Variants in STK10 observed in about 807,000 individuals in gnomAD.
STK10 encodes serine/threonine-protein kinase 10.
Under a neutral mutation model 113.8 loss-of-function variants are expected in STK10, and 78 were observed. The observed-to-expected ratio is 0.69, with a 90% confidence interval of 0.57 to 0.83. The LOEUF (loss-of-function observed/expected upper bound fraction) is 0.83. Ranked by LOEUF, STK10 falls within the 40% of genes least tolerant of loss-of-function variation. STK10 has a pLI of 0.00. For synonymous variants in STK10, 465 were observed against 494.7 expected, an observed-to-expected ratio of 0.94 and a Z score of 0.80; for missense variants, 1,109 against 1,280.1, an observed-to-expected ratio of 0.87 and a Z score of 2.04.
intron 2 of STK10, among the ~76,000 whole-genome samples, chr5:172,156,016 AG>A (rs371470339): frequency 2.1e-3 from 320 of 150,852 alleles, no homozygotes; most frequent in African/African-American, 7.5e-3. Context: ...AAAGAAGTTG[AG>A]GGGTGTTGCT....
At chr5:172,106,472 T>C (rs1056489313) in intron 6 of STK10, 148 bp downstream of exon 6, 5 of 665,432 alleles carry the variant, frequency 7.5e-6, no homozygotes, top group African/African-American at 7.5e-5. Flanking sequence ...CAGAAACGCC[T>C]GAAGACCCCC....
Position 172,114,473 on chromosome 5 carries a change from A to ATT in STK10, c.520+3006_520+3007dup, listed in dbSNP as rs546584414. 3.6e-3 allele frequency: 173 copies of ATT among 47,566 alleles called. 27 individuals carry two copies. The highest frequency in any genetic ancestry group is 4.5e-3 in the Non-Finnish European group (142 of 31,384). 2.9% of individuals were successfully genotyped at this position (47,566 alleles called of 1,614,324 possible). A position where few individuals can be genotyped will look rare whatever the true frequency, so the allele number is the denominator to read the frequency against. On this transcript the variant is annotated intron_variant, in intron 4 of 18. Transcript: ENST00000176763. ...ATTATATATATATATATATATATAT[A>ATT]TTTTTTTTTTTTTTTTTTTTTTTTT...
chr5:172,054,717 G>A, intron 16 of STK10, 23 bp from the exon 17 acceptor site: 1 of 1,606,212 alleles, frequency 6.2e-7, no homozygotes, highest in Non-Finnish European at 8.5e-7. Context: ...GAGGGTGGGT[G>A]CCTCAGGGGA....
chr5:172,105,182 CT>C (rs1033985253), intron 7 of STK10, among the ~76,000 whole-genome samples: 1 of 150,016 alleles, frequency 6.7e-6, no homozygotes, highest in African/African-American at 2.5e-5. Flanking sequence ...CCCCCACCCC[CT>C]GGCTCTTCCC....
chr5:172,112,453 G>A (rs143258244), intron 4 of STK10, among the ~76,000 whole-genome samples: 16 of 130,684 alleles, frequency 1.2e-4, no homozygotes, highest in Non-Finnish European at 1.9e-4. Context: ...ACAGAGTCTC[G>A]CATGTCACCC....
At chr5:172,094,941 A>C (rs964665487) in intron 8 of STK10, among the ~76,000 whole-genome samples, 18 of 152,222 alleles carry the variant, frequency 1.2e-4, no homozygotes, top group African/African-American at 4.3e-4. Flanking sequence ...TGTATAAAAC[A>C]TAAACATCCA....
chr5:172,137,724 CAAAAAAAAA>C (rs34773105), intron 2 of STK10, among the ~76,000 whole-genome samples: 1 of 91,034 alleles, frequency 1.1e-5, no homozygotes, highest in Admixed American at 1.2e-4. Context: ...ACTAAAAATA[CAAAAAAAAA>C]AAAAAAAAAA....
At chr5:172,155,263 C>T (rs908305862) in intron 2 of STK10, among the ~76,000 whole-genome samples, 4 of 152,014 alleles carry the variant, frequency 2.6e-5, no homozygotes, top group African/African-American at 7.3e-5. Context: ...TTTGGGCAGC[C>T]GAGGCAGGTG....
At position 172,061,177 on chromosome 5, in the gene STK10, T is replaced by C; in HGVS notation, c.2174A>G (p.Glu725Gly). 1 of 1,612,878 alleles carries C rather than the reference T, an allele frequency of 6.2e-7. No homozygotes were observed. The highest frequency in any genetic ancestry group is 1.3e-5 in the African/African-American group (1 of 74,676). Reference protein sequence around the residue: ...TDNRREICDKERECLMKKQEL... With the variant: ...TDNRREICDKGRECLMKKQEL... ...CTGCTTCTTCATGAGGCACTCGCGC[T>C]CCTTGTCACAGATCTCCCGCCTGTT... is the stretch of plus-strand genomic sequence containing the variant. Residue 725 changes from glutamate to glycine, a missense_variant, in exon 14 of 19, where the codon GAG becomes GGG. By Grantham distance (98) the Glu-to-Gly change is moderately conservative. Coordinates refer to ENST00000176763, the MANE Select transcript of STK10 (RefSeq NM_005990.4).
Position 172,093,934 on chromosome 5 carries a change from G to A in STK10, c.1032C>T (p.Ser344=), listed in dbSNP as rs150457499. Residue 344 remains serine, a synonymous_variant, in exon 9 of 19, where the codon TCC becomes TCT. Transcript: ENST00000176763. The surrounding 1 kb of genome is among the most constrained non-coding windows in gnomAD (Gnocchi z 4.1). ...ASTLENHTQN[S]SEVSPPSLNA... Reference sequence around the variant, plus strand: ...TGAGGCTTGGCGGACTCACCTCAGAGGAGTTCTGAGTATGGTTCTCCAGGG... The same window carrying A: ...TGAGGCTTGGCGGACTCACCTCAGAAGAGTTCTGAGTATGGTTCTCCAGGG... 5.7e-4 allele frequency: 862 copies of A among 1,513,228 alleles called. No homozygotes were observed. The highest frequency in any genetic ancestry group is 7.1e-4 in the Non-Finnish European group (800 of 1,130,324). The allele number at this position is 1,513,228 out of a possible 1,614,324, so 93.7% of individuals were successfully genotyped here.
chr5:172,079,059 T>C (rs1415653844), intron 12 of STK10, among the ~76,000 whole-genome samples: 2 of 152,092 alleles, frequency 1.3e-5, no homozygotes, highest in Non-Finnish European at 2.9e-5. Context: ...AGATACTGGG[T>C]CTAACCCTGA....
At chr5:172,067,844 A>G (rs372365602) in intron 12 of STK10, among the ~76,000 whole-genome samples, 38 of 152,296 alleles carry the variant, frequency 2.5e-4, no homozygotes, top group African/African-American at 8.7e-4. Context: ...CAAAAGCTCA[A>G]TGAAACCCAA....
intron 2 of STK10, among the ~76,000 whole-genome samples, chr5:172,155,869 C>A (rs1257194755): frequency 6.6e-6 from 1 of 152,038 alleles, no homozygotes; most frequent in African/African-American, 2.4e-5. Flanking sequence ...GTGGCACATG[C>A]CTATAATCCC....
At chr5:172,159,250 G>A (rs1175011959) in intron 1 of STK10, among the ~76,000 whole-genome samples, 1 of 152,184 alleles carries the variant, frequency 6.6e-6, no homozygotes, top group Non-Finnish European at 1.5e-5. Context: ...TGTTGAACAA[G>A]TACACATGGC....
At chr5:172,048,831 C>A (rs966516680) in intron 18 of STK10, among the ~76,000 whole-genome samples, 4 of 150,716 alleles carry the variant, frequency 2.7e-5, no homozygotes, top group African/African-American at 1.0e-4. Context: ...TTACGCAGGC[C>A]CCCCACCCCT....
intron 2 of STK10, among the ~76,000 whole-genome samples, chr5:172,141,126 G>A (rs1769964048): frequency 6.6e-6 from 1 of 152,192 alleles, no homozygotes; most frequent in Non-Finnish European, 1.5e-5. Flanking sequence ...AGGAAATGGG[G>A]AGTTACTCAT....
chr5:172,131,900 C>T (rs1000639885), intron 2 of STK10, among the ~76,000 whole-genome samples: 2 of 152,160 alleles, frequency 1.3e-5, no homozygotes, highest in Non-Finnish European at 2.9e-5. Context: ...AGGGCTCCAC[C>T]CTCATGAATG....
chr5:172,169,781 C>T (rs897715072), intron 1 of STK10, among the ~76,000 whole-genome samples: 4 of 152,132 alleles, frequency 2.6e-5, no homozygotes, highest in African/African-American at 4.8e-5. Flanking sequence ...CCGCTCCCTC[C>T]GATGTCCCCA....
intron 17 of STK10, 140 bp downstream of exon 17, chr5:172,054,429 G>A: frequency 7.9e-7 from 1 of 1,270,474 alleles, no homozygotes; most frequent in Non-Finnish European, 1.1e-6. Context: ...GAGCAGCATG[G>A]CAGGGCTGGA....
Sources: allele counts gnomAD v4.1 joint callset (sites outside exome capture counted in the v4.1 genomes callset), GRCh38; gene constraint gnomAD v4.1.1; non-coding constraint Gnocchi (gnomAD v3.1); transcripts MANE v1.5; gene names NCBI Gene and HGNC (gene_info 2026-07-23, HGNC 2026-07-21).